Variants in EBPL observed in about 807,000 individuals in gnomAD.
EBPL encodes emopamil-binding protein-like.
EBPL carries 20 observed loss-of-function variants against 19.0 expected under a neutral mutation model. The ratio of observed to expected loss-of-function variants is 1.05; its 90% confidence interval spans 0.74 to 1.53. The LOEUF is 1.53. EBPL is among the 40% of genes most tolerant of loss of function. EBPL has a pLI of 0.00. For synonymous variants in EBPL, 107 were observed against 117.0 expected (o/e 0.91, Z 0.55); for missense variants, 219 against 261.1 (o/e 0.84, Z 1.11).
At chr13:49,680,842 A>AAT (rs1953934842) in intron 1 of EBPL, among the ~76,000 whole-genome samples, 2 of 127,726 alleles carry the variant, frequency 1.6e-5, no homozygotes, top group Non-Finnish European at 3.6e-5. Context: ...CAAAATACAA[A>AAT]ACAAACAAAA....
At chr13:49,685,397 A>C (rs1348137087) in intron 1 of EBPL, among the ~76,000 whole-genome samples, 1 of 152,216 alleles carries the variant, frequency 6.6e-6, no homozygotes, top group Non-Finnish European at 1.5e-5. Flanking sequence ...CTTTCTCCCC[A>C]AAAGCGTAAT....
At chr13:49,686,349 C>G in intron 1 of EBPL, 1 of 1,064,406 alleles carries the variant, frequency 9.4e-7, no homozygotes, top group South Asian at 1.7e-5. Context: ...ACCACCAAAC[C>G]TCCTGCAGGG....
intron 1 of EBPL, 152 bp downstream of exon 1, chr13:49,691,102 C>T (rs9568308): frequency 0.085 from 58,325 of 687,918 alleles, 2,710 homozygotes; most frequent in South Asian, 0.11. Flanking sequence ...CCGCCGCGGC[C>T]TCCAGGCGCC....
chr13:49,661,634 G>A (rs1220436102), intron 3 of EBPL: 2 of 649,862 alleles, frequency 3.1e-6, no homozygotes, highest in Admixed American at 6.3e-5. Context: ...GCCAAGCGAT[G>A]GGCAAGTAAA....
rs988101440 is a variant in EBPL, at chr13:49,675,909, C to T, written c.172-6063G>A. 8.6e-5 allele frequency among the ~76,000 whole-genome samples: 13 copies of T among 150,688 alleles called. 1 individual carries two copies. In the East Asian group the frequency reaches 1.6e-3, roughly 18 times the overall value. ...TTTTTTTTAATAGTACTCATCCTAA[C>T]GGGTGTGAAGGAGTATCTCACTGTG... On this transcript the variant is annotated intron_variant, in intron 1 of 3. Transcript: ENST00000242827.
intron 1 of EBPL, among the ~76,000 whole-genome samples, chr13:49,671,730 T>C (rs904713811): frequency 6.6e-6 from 1 of 152,214 alleles, no homozygotes; most frequent in African/African-American, 2.4e-5. Context: ...AAGGACTTCC[T>C]TCCTATAGAT....
Position 49,661,227 on chromosome 13 carries a change from C to A in EBPL, c.381-19G>T. On this transcript the variant is annotated intron_variant, in intron 3 of 3. Transcript: ENST00000242827. The stretch of plus-strand genomic sequence containing the variant: ...GAAATGCCTGTTGGAGAGAAAGAAG[C>A]CCGGGATGAACCACCAGCTTGGCAC... The A allele has an allele frequency of 6.3e-7, 1 of 1,597,014 alleles. No homozygotes were observed. Among genetic ancestry groups the A allele is most frequent in the South Asian group, 1.1e-5 (1 of 89,376 alleles).
intron 3 of EBPL, among the ~76,000 whole-genome samples, chr13:49,662,079 C>T (rs1273014959): frequency 6.6e-6 from 1 of 152,258 alleles, no homozygotes; most frequent in East Asian, 1.9e-4. Flanking sequence ...CTGCAACCTC[C>T]ACTTCCCAGG....
At chr13:49,684,543 C>T (rs1953977162) in intron 1 of EBPL, among the ~76,000 whole-genome samples, 1 of 152,124 alleles carries the variant, frequency 6.6e-6, no homozygotes, top group African/African-American at 2.4e-5. Flanking sequence ...AGCACGGTGG[C>T]ACGTGCCTGT....
rs189045681 is a variant in EBPL, at chr13:49,678,802, G to A, written c.172-8956C>T. Reference sequence around the variant, plus strand: ...CCGAGGCTGAGGAGGCACCGAGAGCGAGTGAGGCCTGTTAGCACGTTGTCA... The same window carrying A: ...CCGAGGCTGAGGAGGCACCGAGAGCAAGTGAGGCCTGTTAGCACGTTGTCA... On this transcript the variant is annotated intron_variant, in intron 1 of 3. Transcript: ENST00000242827. Among the ~76,000 whole-genome samples, 25 of 152,148 alleles carry A rather than the reference G, an allele frequency of 1.6e-4. No individual in the cohort carries two copies. In the East Asian group the frequency reaches 2.9e-3, roughly 18 times the overall value.
At chr13:49,680,792 A>G (rs868138395) in intron 1 of EBPL, among the ~76,000 whole-genome samples, 4 of 152,150 alleles carry the variant, frequency 2.6e-5, no homozygotes, top group Non-Finnish European at 4.4e-5. Context: ...ATTGCACTCC[A>G]GCCTGGTGAC....
At chr13:49,682,174 T>C (rs1367441905) in intron 1 of EBPL, among the ~76,000 whole-genome samples, 2 of 152,192 alleles carry the variant, frequency 1.3e-5, no homozygotes, top group African/African-American at 4.8e-5. Flanking sequence ...AGTTGTCACC[T>C]AACATTCACA....
chr13:49,662,652 T>C (rs1965167059), intron 3 of EBPL, among the ~76,000 whole-genome samples: 2 of 152,028 alleles, frequency 1.3e-5, no homozygotes, highest in Non-Finnish European at 2.9e-5. Context: ...CTTTTTTTTT[T>C]TGGAGACAGG....
intron 1 of EBPL, among the ~76,000 whole-genome samples, chr13:49,682,596 A>G (rs955019439): frequency 5.3e-5 from 8 of 152,240 alleles, no homozygotes; most frequent in Non-Finnish European, 4.4e-5. Context: ...CTGGTTACCA[A>G]TACAGAATCT....
chr13:49,691,147 G>C (rs1195596053), intron 1 of EBPL, 107 bp downstream of exon 1: 2 of 1,038,200 alleles, frequency 1.9e-6, no homozygotes, highest in Non-Finnish European at 2.4e-6. Context: ...CAGGGGGAGG[G>C]GCGGCCAGCT....
intron 2 of EBPL, among the ~76,000 whole-genome samples, chr13:49,669,476 TATTTA>T (rs898130423): frequency 1.3e-5 from 2 of 152,214 alleles, no homozygotes; most frequent in Non-Finnish European, 2.9e-5. Flanking sequence ...ACAATCTACC[TATTTA>T]AATAATTGGT....
intron 1 of EBPL, among the ~76,000 whole-genome samples, chr13:49,689,738 C>A (rs77656974): frequency 0.069 from 10,540 of 152,244 alleles, 1,202 homozygotes; most frequent in East Asian, 0.58. Flanking sequence ...CTGGGCCTAG[C>A]AACATTTTTG....
intron 1 of EBPL, among the ~76,000 whole-genome samples, chr13:49,679,006 T>TA (rs71188373): frequency 1.8e-4 from 17 of 95,184 alleles, no homozygotes; most frequent in Non-Finnish European, 2.3e-4. Flanking sequence ...AGACTCCGTC[T>TA]AAAAAAAAAA....
chr13:49,683,776 G>A (rs1350956402), intron 1 of EBPL, among the ~76,000 whole-genome samples: 1 of 152,192 alleles, frequency 6.6e-6, no homozygotes, highest in Non-Finnish European at 1.5e-5. Context: ...CAACAGTACA[G>A]CCGCCGTGGA....
Sources: allele counts gnomAD v4.1 joint callset (sites outside exome capture counted in the v4.1 genomes callset), GRCh38; gene constraint gnomAD v4.1.1; transcripts MANE v1.5; gene names NCBI Gene and HGNC (gene_info 2026-07-23, HGNC 2026-07-21).